EXOC7: variants seen among roughly 807,000 people sequenced by gnomAD.
EXOC7 encodes exocyst complex component 7.
In EXOC7, 51 loss-of-function variants were observed where a neutral mutation model predicts 87.6. That is an observed-to-expected ratio of 0.58 (90% CI 0.46 to 0.73). EXOC7 has a LOEUF of 0.73. Among genes scored for constraint, EXOC7 ranks in the 30% least tolerant of loss-of-function variants. The pLI is 0.00. For synonymous variants in EXOC7, 327 were observed against 357.1 expected, an observed-to-expected ratio of 0.92 and a Z score of 0.95; for missense variants, 744 against 888.4, an observed-to-expected ratio of 0.84 and a Z score of 2.07.
chr17:76,081,258 T>A lies in EXOC7; in HGVS notation c.*2390A>T. The A allele has an allele frequency of 6.2e-7, 1 of 1,612,882 alleles. No individual in the cohort carries two copies. The highest frequency in any genetic ancestry group is 8.5e-7 in the Non-Finnish European group (1 of 1,179,750). ...GGGATCTCTCCTTCCTGGTTCATAG[T>A]TCTCATTCCCACCCCTCAGCGATGG... is the stretch of plus-strand genomic sequence containing the variant. On this transcript the variant is annotated 3_prime_UTR_variant, in exon 19 of 19. Transcript: ENST00000589210.
rs775530778 is a variant in EXOC7, at chr17:76,085,417, G to A, written c.1617-8C>T. On this transcript the variant is annotated splice_polypyrimidine_tract_variant and splice_region_variant and intron_variant, in intron 14 of 18. Transcript: ENST00000589210. ...AGCTGGATCAGTTCAGACCTGGGTC[G>A]GGGTAGGGGACAGAGGAGAGGAGGA... 1.4e-5 allele frequency: 23 copies of A among 1,605,912 alleles called. No homozygotes were observed. The highest frequency in any genetic ancestry group is 6.7e-5 in the East Asian group (3 of 44,728).
chr17:76,103,759 C>T lies in EXOC7; in HGVS notation c.-67G>A, dbSNP rs1032757481. On this transcript the variant is annotated 5_prime_UTR_variant, in exon 1 of 19. Transcript: ENST00000589210. Reference sequence around the variant, plus strand: ...CCGCGGGCCCACCGGGCCCCCGTCCCCGTCACACCCACTTCCGCTCTTGGT... The same window carrying T: ...CCGCGGGCCCACCGGGCCCCCGTCCTCGTCACACCCACTTCCGCTCTTGGT... 6.6e-6 allele frequency: 10 copies of T among 1,514,732 alleles called. No individual in the cohort carries two copies. The African/African-American group carries it at 6.9e-5, about 10-fold the overall frequency. 93.8% of individuals were successfully genotyped at this position (1,514,732 alleles called of 1,614,324 possible).
intron 12 of EXOC7, chr17:76,086,827 AG>A (rs1567962426): frequency 1.3e-6 from 2 of 1,549,134 alleles, no homozygotes; most frequent in East Asian, 2.4e-5. Flanking sequence ...GAGGGACAGG[AG>A]GGGGCTGCAG....
At chr17:76,090,804 G>A (rs912788412) in intron 7 of EXOC7, 16 of 511,430 alleles carry the variant, frequency 3.1e-5, no homozygotes, top group Non-Finnish European at 5.2e-5. Flanking sequence ...GGGAGGCCTC[G>A]GCCAGCTGGG....
intron 7 of EXOC7, chr17:76,090,257 G>A (rs776927705): frequency 3.3e-6 from 5 of 1,501,276 alleles, no homozygotes; most frequent in South Asian, 1.3e-5. Context: ...GGGCCAGGCA[G>A]GAGCAGGCCA....
In EXOC7 at chr17:76,086,959, A is replaced by T. The variant is rs976620890; in HGVS notation, c.1429+695T>A. The T allele has an allele frequency of 6.9e-6, 10 of 1,443,356 alleles. No homozygotes were observed. The African/African-American group carries it at 1.4e-4, about 20-fold the overall frequency. 89.4% of individuals were successfully genotyped at this position (1,443,356 alleles called of 1,614,324 possible). On this transcript the variant is annotated intron_variant, in intron 12 of 18. Coordinates refer to ENST00000589210, the MANE Select transcript of EXOC7 (RefSeq NM_001013839.4). ...GAGACAAAGGAGGGAGAAAGATGCA[A>T]AGTGCAAAAAACAGGTTAGAAACGG... is the stretch of plus-strand genomic sequence containing the variant.
At chr17:76,094,933 C>T (rs1252392885) in intron 5 of EXOC7, among the ~76,000 whole-genome samples, 1 of 150,080 alleles carries the variant, frequency 6.7e-6, no homozygotes, top group Non-Finnish European at 1.5e-5. Flanking sequence ...AAGAGAAAAA[C>T]ACCCTCTGAT....
rs764550229 is a variant in EXOC7, at chr17:76,082,609, G to A, written c.*1039C>T. ...GTGGGCAGCGTGCAAGTCTGACGCA[G>A]CCCCTGGAGAGGCTGCACCCCATGG... On this transcript the variant is annotated 3_prime_UTR_variant, in exon 19 of 19. Coordinates refer to ENST00000589210, the MANE Select transcript of EXOC7 (RefSeq NM_001013839.4). 2 of 1,613,376 alleles carry A rather than the reference G, an allele frequency of 1.2e-6. No individual in the cohort carries two copies. The highest frequency in any genetic ancestry group is 1.7e-6 in the Non-Finnish European group (2 of 1,179,842).
intron 4 of EXOC7, among the ~76,000 whole-genome samples, chr17:76,098,642 A>T (rs2067898891): frequency 6.6e-6 from 1 of 151,554 alleles, no homozygotes; most frequent in Non-Finnish European, 1.5e-5. Context: ...CGGGCAGATC[A>T]CAAGGTCAGG....
In EXOC7 at chr17:76,087,649, A is replaced by G; in HGVS notation, c.1429+5T>C. 2 of 1,551,020 alleles carry G rather than the reference A, an allele frequency of 1.3e-6. No individual in the cohort carries two copies. The highest frequency in any genetic ancestry group is 1.7e-6 in the Non-Finnish European group (2 of 1,146,900). On this transcript the variant is annotated splice_donor_5th_base_variant and intron_variant, in intron 12 of 18. Coordinates refer to ENST00000589210, the MANE Select transcript of EXOC7 (RefSeq NM_001013839.4). The stretch of plus-strand genomic sequence containing the variant: ...GCAGGGGGCCCAACTGGGAGGTACC[A>G]GTACCTTGGGAGGCCAGCATGGCGC...
Position 76,099,750 on chromosome 17 carries a change from G to A in EXOC7, c.417+1521C>T, listed in dbSNP as rs754811300. ...ACAGAAAATAGATTTGTGATTTCCA[G>A]AGGCCAAGTCACCATCTTGCTCTGA... On this transcript the variant is annotated intron_variant, in intron 4 of 18. Coordinates refer to ENST00000589210, the MANE Select transcript of EXOC7 (RefSeq NM_001013839.4). Among the ~76,000 whole-genome samples the A allele has an allele frequency of 5.1e-4, 77 of 152,294 alleles. No individual in the cohort carries two copies. In the Middle Eastern group the frequency reaches 0.01, roughly 20 times the overall value.
rs779583067 is a variant in EXOC7, at chr17:76,103,285, C to A, written c.126+76G>T. 630 of 1,407,812 alleles carry A rather than the reference C, an allele frequency of 4.5e-4. 3 individuals carry two copies. The highest frequency in any genetic ancestry group is 9.6e-4 in the Middle Eastern group (5 of 5,186). 87.2% of individuals were successfully genotyped at this position (1,407,812 alleles called of 1,614,324 possible). ...ATTCCAGAACTCCAGGCCGCAGGAA[C>A]CGGAACCGCCAGGTCGCAAGGCTCT... is the stretch of plus-strand genomic sequence containing the variant. On this transcript the variant is annotated intron_variant, in intron 2 of 18. Coordinates refer to ENST00000589210, the MANE Select transcript of EXOC7 (RefSeq NM_001013839.4).
rs1227727127 is a variant in EXOC7 at position 76,082,541 on chromosome 17, T to C, written c.*1107A>G. Reference sequence around the variant, plus strand: ...CGCATCTTCTTCCTCGTGTATGTGGTTGGGGTGCTGTGCACCCAATTCGTC... The same window carrying C: ...CGCATCTTCTTCCTCGTGTATGTGGCTGGGGTGCTGTGCACCCAATTCGTC... On this transcript the variant is annotated 3_prime_UTR_variant, in exon 19 of 19. Transcript: ENST00000589210. 1.2e-6 allele frequency: 2 copies of C among 1,613,854 alleles called. No individual in the cohort carries two copies. Among genetic ancestry groups the C allele is most frequent in the African/African-American group, 1.3e-5 (1 of 75,040 alleles).
intron 15 of EXOC7, chr17:76,084,994 T>C: frequency 2.1e-6 from 1 of 465,194 alleles, no homozygotes; most frequent in Non-Finnish European, 3.9e-6. Context: ...CTCAGCCACG[T>C]TCAAGTGCTC....
chr17:76,081,873 C>CT lies in EXOC7; in HGVS notation c.*1774dup, dbSNP rs761978685. 62 of 1,608,360 alleles carry CT rather than the reference C, an allele frequency of 3.9e-5. No individual in the cohort carries two copies. Among genetic ancestry groups the CT allele is most frequent in the Non-Finnish European group, 5.0e-5 (59 of 1,176,092 alleles). ...CCCTGAGCATCTCCCTGTGCCCTGC[C>CT]TCCCCCAGTTTACTACTTCACCATC... On this transcript the variant is annotated 3_prime_UTR_variant, in exon 19 of 19. Coordinates refer to ENST00000589210, the MANE Select transcript of EXOC7 (RefSeq NM_001013839.4).
rs2067852451 is a variant in EXOC7 at position 76,097,899 on chromosome 17, A to G, written c.537T>C (p.Asp179=). The change falls in exon 5 of 19, where the codon GAT becomes GAC. Residue 179 remains aspartate (D), a synonymous_variant. Transcript: ENST00000589210. Reference sequence around the variant, plus strand: ...GGGTCACGTCCTCCTGGGCCTCCAGATCATCGTCACCACTGATCAGATCCA... The same window carrying G: ...GGGTCACGTCCTCCTGGGCCTCCAGGTCATCGTCACCACTGATCAGATCCA... ...LILDLISGDD[D]LEAQEDVTLE... is the part of the protein sequence containing the mutation. The G allele has an allele frequency of 6.2e-7, 1 of 1,613,796 alleles. No individual in the cohort carries two copies. The highest frequency in any genetic ancestry group is 8.5e-7 in the Non-Finnish European group (1 of 1,179,992).
At position 76,082,767 on chromosome 17, in the gene EXOC7, C is replaced by A; in HGVS notation, c.*881G>T. 9.7e-7 allele frequency: 1 copy of A among 1,032,394 alleles called. No homozygotes were observed. The highest frequency in any genetic ancestry group is 1.4e-6 in the Non-Finnish European group (1 of 737,114). 64.0% of individuals were successfully genotyped at this position (1,032,394 alleles called of 1,614,324 possible). On this transcript the variant is annotated 3_prime_UTR_variant, in exon 19 of 19. Transcript: ENST00000589210. ...ACCCTGAGCTCTCCCTCCGCTAGCA[C>A]ACAAGCACAGAGCGTGAAATAAACC... is the stretch of plus-strand genomic sequence containing the variant.
At position 76,084,076 on chromosome 17, in the gene EXOC7, C is replaced by G; in HGVS notation, c.1882G>C (p.Glu628Gln). 6.2e-7 allele frequency: 1 copy of G among 1,611,182 alleles called. No individual in the cohort carries two copies. The highest frequency in any genetic ancestry group is 8.5e-7 in the Non-Finnish European group (1 of 1,179,136). Residue 628 changes from glutamate to glutamine, a missense_variant, in exon 18 of 19, where the codon GAG becomes CAG. Around this residue, in one of 3 missense-constraint regions of EXOC7, gnomAD observed 228 missense variants for 298.6 expected, o/e 0.76. Transcript: ENST00000589210. ...GCCTGGCGAATCCTGTCCCTCTGCTCTGTGTCTGGAATAGCCCAGGCCTTC... is the reference window on the plus strand; with the variant it reads ...GCCTGGCGAATCCTGTCCCTCTGCTGTGTGTCTGGAATAGCCCAGGCCTTC... ...IQKAWAIPDT[E>Q]QRDRIRQAQK...
chr17:76,081,071 T>C lies in EXOC7; in HGVS notation c.*2577A>G. The C allele has an allele frequency of 1.7e-6, 1 of 591,308 alleles. No homozygotes were observed. The highest frequency in any genetic ancestry group is 3.0e-6 in the Non-Finnish European group (1 of 333,598). The allele number at this position is 591,308 out of a possible 1,614,324, so 36.6% of individuals were successfully genotyped here. A position where few individuals can be genotyped will look rare whatever the true frequency, so the allele number is the denominator to read the frequency against. ...AATGAAAGCTCATCTATGAATCTGA[T>C]AAAGGCCTTCCTTCAACTGGAGACA... On this transcript the variant is annotated 3_prime_UTR_variant, in exon 19 of 19. Coordinates refer to ENST00000589210, the MANE Select transcript of EXOC7 (RefSeq NM_001013839.4).
Sources: allele counts gnomAD v4.1 joint callset (sites outside exome capture counted in the v4.1 genomes callset), GRCh38; gene constraint gnomAD v4.1.1; regional missense constraint gnomAD v4.1.1; transcripts MANE v1.5; gene names NCBI Gene and HGNC (gene_info 2026-07-23, HGNC 2026-07-21).